Variants in SGCZ observed in about 807,000 individuals in gnomAD.
SGCZ encodes the protein sarcoglycan zeta, also known as zeta-sarcoglycan.
A neutral mutation model predicts 41.3 loss-of-function variants in SGCZ; 40 were observed. The observed-to-expected ratio is 0.97, with a 90% CI of 0.75 to 1.26. The LOEUF is 1.26. Ranked by LOEUF, SGCZ falls within the 50% of genes most tolerant of loss-of-function variation. The pLI, the probability that SGCZ is intolerant of heterozygous loss-of-function variation, is 0.00. For missense variants in SGCZ, 552 were observed against 369.8 expected, an observed-to-expected ratio of 1.49 and a Z score of -4.04; for synonymous variants, 206 against 137.5, an observed-to-expected ratio of 1.50 and a Z score of -3.49.
chr8:14,644,903 C>T (rs1050366030), intron 1 of SGCZ, among the ~76,000 whole-genome samples: 1 of 150,610 alleles, frequency 6.6e-6, no homozygotes, highest in Admixed American at 6.7e-5. Context: ...CAGATGCCAA[C>T]CTCTTGACAG....
chr8:14,314,564 A>G (rs1415098698), intron 3 of SGCZ, among the ~76,000 whole-genome samples: 1 of 152,124 alleles, frequency 6.6e-6, no homozygotes, highest in Non-Finnish European at 1.5e-5. Flanking sequence ...TTAGGGATTA[A>G]GTAAAGTAAT....
At chr8:14,953,080 T>G (rs929677082) in intron 1 of SGCZ, among the ~76,000 whole-genome samples, 3 of 152,174 alleles carry the variant, frequency 2.0e-5, no homozygotes, top group Non-Finnish European at 4.4e-5. Context: ...CGTTTGTGTG[T>G]GTTTTATCAC....
intron 1 of SGCZ, among the ~76,000 whole-genome samples, chr8:14,870,682 A>G (rs1804115707): frequency 6.6e-6 from 1 of 152,126 alleles, no homozygotes; most frequent in African/African-American, 2.4e-5. Context: ...TCTGTAATCT[A>G]TCCATCTGAC....
At position 14,189,065 on chromosome 8, in the gene SGCZ, G is replaced by A. The variant is rs1469980440; in HGVS notation, c.425-24363C>T. ...GTAGAGATGGGGTTTTACTATGTTG[G>A]CAAGGCTGGTCTTGAACTCCTGACC... On this transcript the variant is annotated intron_variant, in intron 4 of 7. Coordinates refer to ENST00000382080, the MANE Select transcript of SGCZ (RefSeq NM_139167.4). 2.0e-5 allele frequency among the ~76,000 whole-genome samples: 3 copies of A among 148,378 alleles called. No homozygotes were observed. The East Asian group carries it at 6.0e-4, about 30-fold the overall frequency.
intron 1 of SGCZ, among the ~76,000 whole-genome samples, chr8:14,747,499 T>A (rs1016617935): frequency 6.6e-6 from 1 of 152,132 alleles, no homozygotes; most frequent in Non-Finnish European, 1.5e-5. Context: ...ATGCCATTAC[T>A]ATTTTTTGAA....
intron 1 of SGCZ, among the ~76,000 whole-genome samples, chr8:14,778,291 G>C (rs1255086518): frequency 6.6e-6 from 1 of 152,146 alleles, no homozygotes; most frequent in Non-Finnish European, 1.5e-5. Context: ...GTGAAAAACT[G>C]TCACCCCAAA....
chr8:14,900,313 T>C (rs974080841), intron 1 of SGCZ, among the ~76,000 whole-genome samples: 1 of 152,200 alleles, frequency 6.6e-6, no homozygotes, highest in African/African-American at 2.4e-5. Context: ...TTTTTTCTAA[T>C]GAATGATGTG....
In SGCZ at chr8:14,797,745, G is replaced by A. The variant is rs371804823; in HGVS notation, c.40-242819C>T. Among the ~76,000 whole-genome samples the A allele has an allele frequency of 5.9e-5, 9 of 152,254 alleles. No homozygotes were observed. The South Asian group carries it at 1.2e-3, about 21-fold the overall frequency. Reference sequence around the variant, plus strand: ...GCCCTGAGGCCTAGGAGGAAATAATGGTTTCCTGGGGTGGGTCCAGGGCCC... The same window carrying A: ...GCCCTGAGGCCTAGGAGGAAATAATAGTTTCCTGGGGTGGGTCCAGGGCCC... On this transcript the variant is annotated intron_variant, in intron 1 of 7. Coordinates refer to ENST00000382080, the MANE Select transcript of SGCZ (RefSeq NM_139167.4).
intron 2 of SGCZ, among the ~76,000 whole-genome samples, chr8:14,365,473 C>A (rs531713039): frequency 1.3e-5 from 2 of 152,172 alleles, no homozygotes; most frequent in South Asian, 4.1e-4. Flanking sequence ...ATATTGTGTA[C>A]AGTTTTGTTC....
chr8:15,077,419 G>C (rs1282335715), intron 1 of SGCZ, among the ~76,000 whole-genome samples: 1 of 152,174 alleles, frequency 6.6e-6, no homozygotes, highest in Non-Finnish European at 1.5e-5. Flanking sequence ...GTAAGAACTT[G>C]TTGCAAGAAT....
chr8:14,517,204 A>C (rs993037032), intron 2 of SGCZ, among the ~76,000 whole-genome samples: 2 of 150,866 alleles, frequency 1.3e-5, no homozygotes, highest in Non-Finnish European at 3.0e-5. Context: ...GAAGACAAAC[A>C]AAAAAATGCC....
At chr8:14,962,038 A>G (rs1461159570) in intron 1 of SGCZ, among the ~76,000 whole-genome samples, 2 of 152,176 alleles carry the variant, frequency 1.3e-5, no homozygotes, top group African/African-American at 4.8e-5. Flanking sequence ...AAACTTTAAG[A>G]CCAAGTAATA....
At chr8:14,183,097 AAC>A (rs1804783811) in intron 4 of SGCZ, among the ~76,000 whole-genome samples, 1 of 152,128 alleles carries the variant, frequency 6.6e-6, no homozygotes, top group Non-Finnish European at 1.5e-5. Context: ...AGTAATAAAA[AAC>A]ACATTATTAC....
At chr8:14,557,453 T>C (rs1426123488) in intron 1 of SGCZ, among the ~76,000 whole-genome samples, 1 of 152,232 alleles carries the variant, frequency 6.6e-6, no homozygotes, top group Non-Finnish European at 1.5e-5. Flanking sequence ...TTTATCTTTG[T>C]TCTTATTGCA....
chr8:14,577,524 A>G (rs1804749533), intron 1 of SGCZ, among the ~76,000 whole-genome samples: 1 of 151,096 alleles, frequency 6.6e-6, no homozygotes, highest in African/African-American at 2.4e-5. Context: ...AGTAGCTGGG[A>G]CTATAGGTGC....
chr8:15,195,717 T>C (rs1800702425), intron 1 of SGCZ, among the ~76,000 whole-genome samples: 1 of 152,168 alleles, frequency 6.6e-6, no homozygotes, highest in African/African-American at 2.4e-5. Flanking sequence ...TCAAGTATAA[T>C]ACTCGGTCTT....
chr8:14,499,483 CT>C (rs1199935372), intron 2 of SGCZ, among the ~76,000 whole-genome samples: 1 of 151,836 alleles, frequency 6.6e-6, no homozygotes, highest in Non-Finnish European at 1.5e-5. Context: ...TGAAACTTAA[CT>C]GTTGCAATAT....
intron 1 of SGCZ, among the ~76,000 whole-genome samples, chr8:14,687,617 C>T (rs1386809185): frequency 1.3e-5 from 2 of 151,710 alleles, no homozygotes; most frequent in Non-Finnish European, 2.9e-5. Flanking sequence ...GGCTTGGTTC[C>T]AAGTCTTTGC....
intron 1 of SGCZ, among the ~76,000 whole-genome samples, chr8:15,094,735 G>A (rs1451372094): frequency 6.6e-6 from 1 of 152,064 alleles, no homozygotes; most frequent in African/African-American, 2.4e-5. Flanking sequence ...TGAATCATGG[G>A]GGCAGTTTCC....
Sources: allele counts gnomAD v4.1 joint callset (sites outside exome capture counted in the v4.1 genomes callset), GRCh38; gene constraint gnomAD v4.1.1; transcripts MANE v1.5; gene names NCBI Gene and HGNC (gene_info 2026-07-23, HGNC 2026-07-21).